The following SMC4 variants were observed in gnomAD, a reference collection of about 807,000 sequenced individuals.
SMC4 encodes structural maintenance of chromosomes protein 4.
A neutral mutation model predicts 145.6 loss-of-function variants in SMC4; 87 were observed. That is an observed-to-expected ratio of 0.60 (90% CI 0.50 to 0.71). The LOEUF (loss-of-function observed/expected upper bound fraction) is 0.71, where lower values mean the gene tolerates loss of function less well. SMC4 is among the 30% of genes least tolerant of loss of function. The pLI is 0.00. For missense variants in SMC4, 1,447 were observed against 1,537.1 expected, an observed-to-expected ratio of 0.94 and a Z score of 0.98; for synonymous variants, 558 against 500.7, an observed-to-expected ratio of 1.11 and a Z score of -1.53.
chr3:160,416,146 A>C, intron 9 of SMC4, 105 bp from the exon 10 acceptor site: 1 of 683,304 alleles, frequency 1.5e-6, no homozygotes, highest in South Asian at 4.6e-5. Context: ...TTATAAAGAA[A>C]AGAAGAACTA....
intron 15 of SMC4, among the ~76,000 whole-genome samples, chr3:160,424,543 T>C (rs1162640627): frequency 2.6e-5 from 4 of 152,140 alleles, no homozygotes; most frequent in African/African-American, 9.7e-5. Context: ...GCGCGGTGGC[T>C]CACACCTGTA....
At chr3:160,432,547 T>C in intron 22 of SMC4, 32 bp downstream of exon 22, 1 of 1,320,506 alleles carries the variant, frequency 7.6e-7, no homozygotes, top group Non-Finnish European at 1.0e-6. Context: ...ATAATCCCAC[T>C]GTTACCTTTT....
chr3:160,432,956 G>T (rs1718569317), intron 22 of SMC4, 70 bp from the exon 23 acceptor site: 1 of 1,053,274 alleles, frequency 9.5e-7, no homozygotes, highest in Non-Finnish European at 1.4e-6. Flanking sequence ...CTCAATTATG[G>T]AAAGCAAATC....
intron 17 of SMC4, 87 bp from the exon 18 acceptor site, chr3:160,428,666 G>T: frequency 7.8e-7 from 1 of 1,275,508 alleles, no homozygotes. Context: ...ATCACGTCAA[G>T]TCATAGCAAC....
intron 8 of SMC4, chr3:160,413,933 T>C (rs1042248261): frequency 3.3e-6 from 1 of 304,646 alleles, no homozygotes; most frequent in African/African-American, 2.3e-5. Context: ...TGGGTTTTTC[T>C]AGATAGATTT....
Position 160,412,414 on chromosome 3 carries a change from A to G in SMC4, c.941A>G (p.Glu314Gly). 3 of 1,605,740 alleles carry G rather than the reference A, an allele frequency of 1.9e-6. No homozygotes were observed. Among genetic ancestry groups the G allele is most frequent in the Non-Finnish European group, 2.6e-6 (3 of 1,173,702 alleles). Residue 314 changes from glutamate to glycine, a missense_variant, in exon 7 of 24, where the codon GAA becomes GGA. Physicochemically the swap from Glu to Gly is moderately conservative, Grantham distance 98 (BLOSUM62 -2). Transcript: ENST00000357388. ...ATCGAATTTCTTACCTTGGAAAATG[A>G]AATATTTAGAAAAAAGAATCATGTT... is the stretch of plus-strand genomic sequence containing the variant. The part of the protein sequence containing the change: ...IAIEFLTLEN[E>G]IFRKKNHVCQ...
chr3:160,430,410 A>T (rs540208364), intron 18 of SMC4, among the ~76,000 whole-genome samples, 189 bp from the exon 19 acceptor site: 3 of 152,208 alleles, frequency 2.0e-5, no homozygotes, highest in Non-Finnish European at 4.4e-5. Context: ...AAAATATACA[A>T]CTCATCCCAT....
Position 160,419,527 on chromosome 3 carries a change from G to A in SMC4, c.1841G>A (p.Gly614Glu). 1 of 1,595,450 alleles carries A rather than the reference G, an allele frequency of 6.3e-7. No homozygotes were observed. Among genetic ancestry groups the A allele is most frequent in the Non-Finnish European group, 8.5e-7 (1 of 1,175,524 alleles). ...GAAAAAAAATCTGGCAGGATTCCAG[G>A]AATATATGGAAGATTGGTAAAGTAG... is the stretch of plus-strand genomic sequence containing the variant. ...IQEKKSGRIP[G>E]IYGRLGDLGA... Residue 614 changes from glycine (G) to glutamate (E), a missense_variant, in exon 12 of 24, where the codon GGA becomes GAA. Coordinates refer to ENST00000357388, the MANE Select transcript of SMC4 (RefSeq NM_001002800.3).
chr3:160,427,915 C>T (rs998620382), intron 17 of SMC4, among the ~76,000 whole-genome samples: 1 of 152,122 alleles, frequency 6.6e-6, no homozygotes, highest in Admixed American at 6.5e-5. Context: ...GGTGAAACCC[C>T]ATCTCTTTGA....
intron 20 of SMC4, 103 bp from the exon 21 acceptor site, chr3:160,431,537 ACTC>A: frequency 3.5e-6 from 3 of 866,800 alleles, no homozygotes; most frequent in Non-Finnish European, 1.8e-6. Context: ...ATCAGTCACA[ACTC>A]CTGTTGTTTT....
Position 160,417,788 on chromosome 3 carries a change from A to T in SMC4, c.1503A>T (p.Val501=). 6.2e-7 allele frequency: 1 copy of T among 1,613,674 alleles called. No homozygotes were observed. The highest frequency in any genetic ancestry group is 8.5e-7 in the Non-Finnish European group (1 of 1,179,826). Reference sequence around the variant, plus strand: ...ATGAAGCACGTTCAAAGATGGATGTAGCCCAGTCAGAACTTGATATCTATC... The same window carrying T: ...ATGAAGCACGTTCAAAGATGGATGTTGCCCAGTCAGAACTTGATATCTATC... ...SVNEARSKMD[V]AQSELDIYLS... is the part of the protein sequence containing the mutation. Residue 501 remains valine (V), a synonymous_variant, in exon 11 of 24, where the codon GTA becomes GTT. Transcript: ENST00000357388.
At chr3:160,416,154 C>A in intron 9 of SMC4, 97 bp from the exon 10 acceptor site, 2 of 764,582 alleles carry the variant, frequency 2.6e-6, no homozygotes, top group Non-Finnish European at 3.9e-6. Flanking sequence ...AAAAGAAGAA[C>A]TAGAGGACCC....
In SMC4 at chr3:160,414,466, C is replaced by T. The variant is rs1576960036; in HGVS notation, c.1221C>T (p.Ala407=). The change falls in exon 9 of 24, where the codon GCC becomes GCT. Residue 407 remains alanine (A), a synonymous_variant. Transcript: ENST00000357388. ...DVQVREKLKH[A]TSKAKKLEKQ... is the part of the protein sequence containing the mutation. Reference sequence around the variant, plus strand: ...AAGTTAGAGAAAAGTTAAAACATGCCACGAGTAAAGCCAAAAAACTGGAGA... The same window carrying T: ...AAGTTAGAGAAAAGTTAAAACATGCTACGAGTAAAGCCAAAAAACTGGAGA... 1 of 1,611,286 alleles carries T rather than the reference C, an allele frequency of 6.2e-7. No homozygotes were observed. Among genetic ancestry groups the T allele is most frequent in the Non-Finnish European group, 8.5e-7 (1 of 1,179,346 alleles).
At position 160,400,942 on chromosome 3, in the gene SMC4, C is replaced by G; in HGVS notation, c.116C>G (p.Thr39Arg). The change falls in exon 2 of 24, where the codon ACG becomes AGG. Residue 39 changes from threonine to arginine, a missense_variant. Transcript: ENST00000357388. ...GAGCCTGAGCCGCCGTCCGGCCGCA[C>G]GGAGAGCCCAGCCACCGCCGCAGGT... ...DAEPEPPSGR[T>R]ESPATAAETA... 1 of 1,457,114 alleles carries G rather than the reference C, an allele frequency of 6.9e-7. No individual in the cohort carries two copies. The highest frequency in any genetic ancestry group is 2.9e-5 in the East Asian group (1 of 34,366). 90.3% of individuals were successfully genotyped at this position (1,457,114 alleles called of 1,614,324 possible). A position where few individuals can be genotyped will look rare whatever the true frequency, so the allele number is the denominator to read the frequency against.
intron 18 of SMC4, 132 bp downstream of exon 18, chr3:160,429,074 A>G: frequency 2.8e-6 from 2 of 713,398 alleles, no homozygotes; most frequent in East Asian, 3.2e-5. Context: ...CACATTACCT[A>G]ATGGGACTTC....
chr3:160,421,803 G>A (rs1418478035), intron 13 of SMC4, among the ~76,000 whole-genome samples: 1 of 152,100 alleles, frequency 6.6e-6, no homozygotes, highest in African/African-American at 2.4e-5. Flanking sequence ...TATTCACAGT[G>A]TTGTTCACCC....
intron 5 of SMC4, among the ~76,000 whole-genome samples, chr3:160,409,705 G>C (rs893337467): frequency 5.3e-5 from 8 of 152,046 alleles, no homozygotes; most frequent in Admixed American, 1.3e-4. Context: ...TCCTTGAATT[G>C]GGTAGAATAT....
In SMC4 at chr3:160,424,911, A is replaced by G. The variant is rs1455530278; in HGVS notation, c.2370A>G (p.Ala790=). 3 of 1,614,146 alleles carry G rather than the reference A, an allele frequency of 1.9e-6. No homozygotes were observed. In the South Asian group the frequency reaches 3.3e-5, roughly 18 times the overall value. The part of the protein sequence containing the change: ...ESQLQNDSKK[A]MQIQEQKVQL... Reference sequence around the variant, plus strand: ...AGTTGCAAAACGACTCTAAAAAAGCAATGCAAATCCAAGAACAGAAAGTAC... The same window carrying G: ...AGTTGCAAAACGACTCTAAAAAAGCGATGCAAATCCAAGAACAGAAAGTAC... The change falls in exon 16 of 24, where the codon GCA becomes GCG. Residue 790 remains alanine, a synonymous_variant. Transcript: ENST00000357388.
intron 16 of SMC4, among the ~76,000 whole-genome samples, chr3:160,425,237 TC>T: frequency 6.6e-6 from 1 of 152,332 alleles, no homozygotes; most frequent in Middle Eastern, 3.4e-3. Context: ...ATTCCTGTTT[TC>T]CGTTTGTACT....
Sources: gnomAD v4.1 joint callset for allele counts (sites outside exome capture counted in the v4.1 genomes callset) on GRCh38, gnomAD v4.1.1 for gene constraint, MANE v1.5 for transcripts, NCBI Gene and HGNC (gene_info 2026-07-23, HGNC 2026-07-21) for gene names.